HECTD2: variants seen among roughly 807,000 people sequenced by gnomAD.
HECTD2 encodes the protein probable E3 ubiquitin-protein ligase HECTD2.
HECTD2 carries 35 observed loss-of-function variants against 103.2 expected under a neutral mutation model. The observed-to-expected ratio is 0.34, with a 90% CI of 0.26 to 0.45. The LOEUF (loss-of-function observed/expected upper bound fraction) is 0.45. Among genes scored for constraint, HECTD2 ranks in the 20% least tolerant of loss-of-function variants. The pLI, the probability that HECTD2 is intolerant of heterozygous loss-of-function variation, is 1.00. For missense variants in HECTD2, 596 were observed against 937.4 expected (o/e 0.64, Z 4.76); for synonymous variants, 281 against 329.9 (o/e 0.85, Z 1.61).
intron 11 of HECTD2, chr10:91,488,494 T>C (rs557860719): frequency 6.6e-6 from 1 of 152,300 alleles, no homozygotes; most frequent in East Asian, 1.9e-4. Flanking sequence ...TAAGTGCTTA[T>C]GTATTTCAAA....
At chr10:91,461,812 G>C (rs1343987156) in intron 4 of HECTD2, among the ~76,000 whole-genome samples, 3 of 152,086 alleles carry the variant, frequency 2.0e-5, no homozygotes, top group Admixed American at 6.6e-5. Flanking sequence ...GCCTCCCAAA[G>C]TTGCTGGGAT....
intron 8 of HECTD2, among the ~76,000 whole-genome samples, chr10:91,483,481 C>G (rs1846166076): frequency 6.6e-6 from 1 of 151,772 alleles, no homozygotes; most frequent in African/African-American, 2.4e-5. Context: ...TTCTCCTTAC[C>G]TAAAAATGTC....
Position 91,513,049 on chromosome 10 carries a change from A to G in HECTD2, c.*665A>G, listed in dbSNP as rs143944464. The G allele has an allele frequency of 8.8e-3, 1,341 of 152,776 alleles. 12 individuals are homozygous for G. Among genetic ancestry groups the G allele is most frequent in the Middle Eastern group, 0.014 (4 of 294 alleles). 9.5% of individuals were successfully genotyped at this position (152,776 alleles called of 1,614,324 possible). On this transcript the variant is annotated 3_prime_UTR_variant, in exon 21 of 21. Transcript: ENST00000298068. ...GATGTGTACACAGCTTTTACAAATC[A>G]ATAAAGATGATTGTACAAGAGTATT...
Position 91,493,522 on chromosome 10 carries a change from T to G in HECTD2, c.1521+14T>G. 2 of 1,370,354 alleles carry G rather than the reference T, an allele frequency of 1.5e-6. No individual in the cohort carries two copies. Among genetic ancestry groups the G allele is most frequent in the Non-Finnish European group, 2.0e-6 (2 of 992,126 alleles). The allele number at this position is 1,370,354 out of a possible 1,614,324, so 84.9% of individuals were successfully genotyped here. On this transcript the variant is annotated intron_variant, in intron 14 of 20. Transcript: ENST00000298068. ...TTGGTTGGAATTGTATCCTTTAAAC[T>G]TTCCACTAGGAGGTGCTAATAGATT...
At chr10:91,416,791 A>G (rs548549754) in intron 1 of HECTD2, among the ~76,000 whole-genome samples, 2 of 152,180 alleles carry the variant, frequency 1.3e-5, no homozygotes, top group South Asian at 2.1e-4. Context: ...CAGGCCCTGT[A>G]TGTATTGCCT....
At position 91,492,460 on chromosome 10, in the gene HECTD2, C is replaced by T. The variant is rs867579759; in HGVS notation, c.1408C>T (p.Arg470Cys). ...LTKEWFLLLI[R>C]QIFHPDYGMF... ...TAAAGAATGGTTCCTTCTTCTAATT[C>T]GCCAAATTTTTCATCCAGATTATGG... The change falls in exon 13 of 21, where the codon CGC becomes TGC. Residue 470 changes from arginine (R) to cysteine (C), a missense_variant. This residue lies in a region of HECTD2 where 303 missense variants were observed against 522.5 expected (regional missense o/e 0.58). Coordinates refer to ENST00000298068, the MANE Select transcript of HECTD2 (RefSeq NM_182765.6). The T allele has an allele frequency of 6.2e-7, 1 of 1,611,092 alleles. No individual in the cohort carries two copies. The highest frequency in any genetic ancestry group is 8.5e-7 in the Non-Finnish European group (1 of 1,177,586).
At chr10:91,458,510 A>G (rs553461944) in intron 2 of HECTD2, among the ~76,000 whole-genome samples, 1 of 152,170 alleles carries the variant, frequency 6.6e-6, no homozygotes, top group East Asian at 1.9e-4. Flanking sequence ...TGAAAGAATC[A>G]GTCTACCTGG....
intron 15 of HECTD2, among the ~76,000 whole-genome samples, chr10:91,497,287 C>CTTT (rs549997514): frequency 8.4e-6 from 1 of 118,852 alleles, no homozygotes; most frequent in African/African-American, 3.2e-5. Context: ...GAAAATGTTT[C>CTTT]TTTTTTTTTT....
intron 18 of HECTD2, among the ~76,000 whole-genome samples, chr10:91,499,742 C>A (rs186302919): frequency 6.6e-6 from 1 of 152,096 alleles, no homozygotes; most frequent in Admixed American, 6.6e-5. Context: ...TTCATCATGC[C>A]ATTTATACCT....
chr10:91,468,939 CAAA>C (rs375935105), intron 5 of HECTD2, among the ~76,000 whole-genome samples: 2 of 98,462 alleles, frequency 2.0e-5, no homozygotes, highest in African/African-American at 7.6e-5. Flanking sequence ...CTGTCTCACT[CAAA>C]AAAAAAAAAA....
intron 5 of HECTD2, among the ~76,000 whole-genome samples, chr10:91,470,585 C>CA (rs1324511971): frequency 1.3e-5 from 2 of 152,014 alleles, no homozygotes; most frequent in African/African-American, 4.8e-5. Flanking sequence ...ATGCCTACAT[C>CA]AAAAATGTTA....
At chr10:91,462,582 C>A in intron 5 of HECTD2, 1 of 1,043,848 alleles carries the variant, frequency 9.6e-7, no homozygotes, top group Non-Finnish European at 1.2e-6. Context: ...TGGGTGAAGC[C>A]CAAGAATTTT....
At chr10:91,484,096 G>C in intron 8 of HECTD2, 1 of 455,716 alleles carries the variant, frequency 2.2e-6, no homozygotes, top group Non-Finnish European at 3.9e-6. Context: ...AAACAAGGCA[G>C]AACATCACTT....
intron 6 of HECTD2, among the ~76,000 whole-genome samples, chr10:91,479,416 T>C (rs939585840): frequency 2.0e-5 from 3 of 152,232 alleles, no homozygotes; most frequent in Non-Finnish European, 4.4e-5. Context: ...TACAGTGTTT[T>C]TCTAGTCATC....
At chr10:91,449,360 T>A (rs879047414) in intron 2 of HECTD2, among the ~76,000 whole-genome samples, 1 of 152,068 alleles carries the variant, frequency 6.6e-6, no homozygotes, top group African/African-American at 2.4e-5. Flanking sequence ...TATACTAAAA[T>A]CTCTCAATAA....
intron 12 of HECTD2, 66 bp downstream of exon 12, chr10:91,491,373 T>C: frequency 1.3e-6 from 1 of 780,756 alleles, no homozygotes; most frequent in South Asian, 1.8e-5. Context: ...ATTATAAAAA[T>C]CATAGTAAAC....
chr10:91,461,536 G>A (rs540912295), intron 4 of HECTD2, among the ~76,000 whole-genome samples, 180 bp downstream of exon 4: 85 of 151,870 alleles, frequency 5.6e-4, no homozygotes, highest in Middle Eastern at 6.9e-3. Flanking sequence ...AAGTATATGG[G>A]TTTTTTGAGG....
At chr10:91,426,419 G>A (rs1843560665) in intron 2 of HECTD2, among the ~76,000 whole-genome samples, 1 of 151,958 alleles carries the variant, frequency 6.6e-6, no homozygotes, top group South Asian at 2.1e-4. Flanking sequence ...GCTGCATGTG[G>A]TATAAATTAT....
intron 10 of HECTD2, chr10:91,486,202 CAT>C (rs889303530): frequency 6.6e-6 from 1 of 152,078 alleles, no homozygotes; most frequent in African/African-American, 2.4e-5. Context: ...TGGCCTGAAA[CAT>C]AGAATGGGCT....
Sources: gnomAD v4.1 joint callset for allele counts (sites outside exome capture counted in the v4.1 genomes callset) on GRCh38, gnomAD v4.1.1 for gene constraint, gnomAD v4.1.1 regional missense constraint, MANE v1.5 for transcripts, NCBI Gene and HGNC (gene_info 2026-07-23, HGNC 2026-07-21) for gene names.